PHF14: variants seen among roughly 807,000 people sequenced by gnomAD.
PHF14 encodes the protein PHD finger protein 14.
PHF14 carries 55 observed loss-of-function variants against 117.9 expected under a neutral mutation model. The ratio of observed to expected loss-of-function variants is 0.47; its 90% CI spans 0.38 to 0.58. PHF14 has a LOEUF of 0.58. PHF14 is among the 20% of genes least tolerant of loss of function. PHF14 has a pLI of 0.00. For missense variants in PHF14, 978 were observed against 1,122.2 expected (o/e 0.87, Z 1.84); for synonymous variants, 409 against 368.6 (o/e 1.11, Z -1.26).
chr7:10,993,204 C>T (rs1355829845), intron 4 of PHF14, among the ~76,000 whole-genome samples: 1 of 151,754 alleles, frequency 6.6e-6, no homozygotes, highest in Non-Finnish European at 1.5e-5. Context: ...GTTATTTTTT[C>T]TTACCAATTA....
intron 3 of PHF14, among the ~76,000 whole-genome samples, chr7:10,987,745 G>A (rs185211922): frequency 6.6e-6 from 1 of 152,064 alleles, no homozygotes; most frequent in African/African-American, 2.4e-5. Flanking sequence ...TACTTTCTCT[G>A]AAACCTTGAA....
intron 16 of PHF14, chr7:11,104,098 T>A: frequency 1.0e-6 from 1 of 984,838 alleles, no homozygotes; most frequent in South Asian, 4.7e-5. Context: ...GAGAAATTAC[T>A]CGCAGTTGCT....
intron 9 of PHF14, 131 bp from the exon 10 acceptor site, chr7:11,036,854 A>G (rs1348304169): frequency 1.1e-6 from 1 of 933,100 alleles, no homozygotes; most frequent in Non-Finnish European, 1.6e-6. Context: ...TGCTAGGTTC[A>G]TTTATTTGTA....
chr7:11,111,234 A>G, intron 16 of PHF14, 116 bp from the exon 17 acceptor site: 1 of 459,452 alleles, frequency 2.2e-6, no homozygotes, highest in African/African-American at 2.0e-5. Context: ...AGCCAAGGAT[A>G]AAATTAACAG....
chr7:11,083,608 C>A (rs906595763), intron 16 of PHF14, among the ~76,000 whole-genome samples: 4 of 151,530 alleles, frequency 2.6e-5, no homozygotes, highest in African/African-American at 9.7e-5. Flanking sequence ...TTACAGGTGC[C>A]CGCCACTACG....
intron 4 of PHF14, among the ~76,000 whole-genome samples, chr7:10,995,766 G>A (rs555209064): frequency 2.6e-5 from 4 of 152,268 alleles, no homozygotes; most frequent in East Asian, 1.9e-4. Context: ...TGGGGGACCC[G>A]GTGCACCCTC....
intron 7 of PHF14, among the ~76,000 whole-genome samples, chr7:11,029,079 TA>T (rs1409453197): frequency 6.6e-6 from 1 of 152,108 alleles, no homozygotes; most frequent in Non-Finnish European, 1.5e-5. Context: ...CTTAAAGCAT[TA>T]AAATGTCGGC....
intron 16 of PHF14, among the ~76,000 whole-genome samples, chr7:11,101,924 C>T (rs1441824690): frequency 6.6e-6 from 1 of 151,674 alleles, no homozygotes; most frequent in African/African-American, 2.4e-5. Flanking sequence ...ATAATTGTAA[C>T]CAAACATATT....
intron 16 of PHF14, among the ~76,000 whole-genome samples, chr7:11,070,230 A>G (rs576741695): frequency 5.2e-4 from 79 of 152,262 alleles, no homozygotes; most frequent in Admixed American, 2.0e-3. Context: ...AGTGCGCGCC[A>G]CCATGCCCAG....
At chr7:11,052,485 G>A (rs1286649139) in intron 14 of PHF14, among the ~76,000 whole-genome samples, 1 of 152,108 alleles carries the variant, frequency 6.6e-6, no homozygotes, top group Non-Finnish European at 1.5e-5. Flanking sequence ...GTAACAAGGA[G>A]TTTGTGTATG....
At chr7:11,064,514 T>A (rs916378072) in intron 16 of PHF14, among the ~76,000 whole-genome samples, 1 of 151,988 alleles carries the variant, frequency 6.6e-6, no homozygotes, top group Non-Finnish European at 1.5e-5. Flanking sequence ...TTATTTAATA[T>A]ACTGTGTTTA....
chr7:11,041,734 G>A (rs1229030845), intron 12 of PHF14, among the ~76,000 whole-genome samples: 1 of 151,800 alleles, frequency 6.6e-6, no homozygotes, highest in Non-Finnish European at 1.5e-5. Context: ...GAACCATCAG[G>A]CAATATCACT....
intron 4 of PHF14, among the ~76,000 whole-genome samples, chr7:11,009,033 C>CT (rs1783242603): frequency 1.1e-5 from 1 of 94,992 alleles, no homozygotes. Context: ...GAGACTCTGT[C>CT]TCAAAAAAAA....
In PHF14 at chr7:11,042,776, T is replaced by C. The variant is rs1412701373; in HGVS notation, c.2274T>C (p.Pro758=). 2 of 1,588,102 alleles carry C rather than the reference T, an allele frequency of 1.3e-6. No homozygotes were observed. Among genetic ancestry groups the C allele is most frequent in the Non-Finnish European group, 8.6e-7 (1 of 1,164,216 alleles). ...LHYHLGCLDP[P]LTRMPRKTKN... ...ACCATCTTGGATGTCTGGATCCTCC[T>C]CTTACAAGGATGCCAAGAAAGACCA... The change falls in exon 13 of 18, where the codon CCT becomes CCC. Residue 758 remains proline (P), a synonymous_variant. Transcript: ENST00000634607.
intron 6 of PHF14, among the ~76,000 whole-genome samples, chr7:11,027,964 A>T (rs901180124): frequency 6.6e-6 from 1 of 152,144 alleles, no homozygotes; most frequent in African/African-American, 2.4e-5. Flanking sequence ...GGGAATAGTT[A>T]TAGTATCTCT....
Position 10,983,051 on chromosome 7 carries a change from T to C in PHF14, c.792T>C (p.Ser264=). The C allele has an allele frequency of 1.3e-6, 2 of 1,595,642 alleles. No homozygotes were observed. Among genetic ancestry groups the C allele is most frequent in the South Asian group, 2.2e-5 (2 of 89,954 alleles). ...GNDEDHSSPA[S]EGGCKKKKSK... ...ATGAAGATCATAGTAGCCCTGCCAG[T>C]GAAGGGGGTTGCAAGAAGAAGAAGA... Residue 264 remains serine, a synonymous_variant, in exon 3 of 18, where the codon AGT becomes AGC. Coordinates refer to ENST00000634607, the MANE Select transcript of PHF14 (RefSeq NM_001007157.2).
At chr7:11,008,744 A>T (rs1783222647) in intron 4 of PHF14, among the ~76,000 whole-genome samples, 1 of 152,088 alleles carries the variant, frequency 6.6e-6, no homozygotes, top group South Asian at 2.1e-4. Flanking sequence ...CTCATTTTAA[A>T]ATCTTTTTTG....
At chr7:11,114,369 G>GTAATATATATATATATATATT (rs1787532003) in intron 17 of PHF14, among the ~76,000 whole-genome samples, 1 of 151,892 alleles carries the variant, frequency 6.6e-6, no homozygotes, top group African/African-American at 2.4e-5. Flanking sequence ...ATATTACTTT[G>GTAATATATATATATATATATT]TCTTTCAAGT....
intron 7 of PHF14, among the ~76,000 whole-genome samples, chr7:11,034,539 ATTTTTTTTT>A (rs56043099): frequency 8.7e-4 from 55 of 63,108 alleles, no homozygotes; most frequent in East Asian, 2.1e-3. Flanking sequence ...TCTTAATTCT[ATTTTTTTTT>A]TTTTTTTTTT....
Sources: allele counts gnomAD v4.1 joint callset (sites outside exome capture counted in the v4.1 genomes callset), GRCh38; gene constraint gnomAD v4.1.1; transcripts MANE v1.5; gene names NCBI Gene and HGNC (gene_info 2026-07-23, HGNC 2026-07-21).